FCHO2: variants seen among roughly 807,000 people sequenced by gnomAD.
FCHO2 encodes the protein FCH and mu domain containing endocytic adaptor 2, also known as F-BAR domain only protein 2.
Under a neutral mutation model 114.1 loss-of-function variants are expected in FCHO2, and 43 were observed. That is an observed-to-expected ratio of 0.38 (90% CI 0.30 to 0.49). FCHO2 has a LOEUF of 0.49. Ranked by LOEUF, FCHO2 falls within the 20% of genes least tolerant of loss-of-function variation. The pLI, the probability that FCHO2 is intolerant of heterozygous loss-of-function variation, is 0.97. For synonymous variants in FCHO2, 293 were observed against 315.2 expected, an observed-to-expected ratio of 0.93 and a Z score of 0.75; for missense variants, 807 against 950.4, an observed-to-expected ratio of 0.85 and a Z score of 1.98.
chr5:73,037,159 A>G lies in FCHO2; in HGVS notation c.858A>G (p.Lys286=), dbSNP rs757623011. 6.3e-7 allele frequency: 1 copy of G among 1,587,958 alleles called. No homozygotes were observed. The highest frequency in any genetic ancestry group is 1.2e-5 in the South Asian group (1 of 86,062). Residue 286 remains lysine (K), a synonymous_variant, in exon 10 of 26, where the codon AAA becomes AAG. Coordinates refer to ENST00000430046, the MANE Select transcript of FCHO2 (RefSeq NM_138782.3). ...ASAVEGIKPR[K]RKTFALPGII... ...ATTTTAAAGGTATAAAACCAAGGAA[A>G]AGAAAGACCTTTGCTTTGCCAGGAA...
chr5:72,984,458 G>GT lies in FCHO2; in HGVS notation c.126-4963dup, dbSNP rs1753394629. Among the ~76,000 whole-genome samples, 4 of 152,186 alleles carry GT rather than the reference G, an allele frequency of 2.6e-5. No homozygotes were observed. The South Asian group carries it at 8.3e-4, about 32-fold the overall frequency. ...CTGGAAAAATTTTTGAAAGATTATT[G>GT]TTTTTTCCTTATGTGCTTAATAGAA... On this transcript the variant is annotated intron_variant, in intron 2 of 25. Transcript: ENST00000430046.
chr5:73,046,673 T>C (rs1388167048), intron 11 of FCHO2, among the ~76,000 whole-genome samples: 1 of 152,192 alleles, frequency 6.6e-6, no homozygotes, highest in Non-Finnish European at 1.5e-5. Flanking sequence ...GTTTCCTTAT[T>C]TTTAAAGTAT....
intron 8 of FCHO2, chr5:73,020,729 C>G: frequency 8.4e-7 from 1 of 1,184,714 alleles, no homozygotes. Flanking sequence ...ATTTTCTGTT[C>G]TACATCCACC....
chr5:72,959,479 C>T (rs934230923), intron 1 of FCHO2, among the ~76,000 whole-genome samples: 1 of 152,084 alleles, frequency 6.6e-6, no homozygotes, highest in African/African-American at 2.4e-5. Context: ...TGTACTCCAG[C>T]CTGGGCAACA....
intron 2 of FCHO2, among the ~76,000 whole-genome samples, chr5:72,974,780 T>G (rs1174036008): frequency 6.6e-6 from 1 of 152,186 alleles, no homozygotes; most frequent in Admixed American, 6.6e-5. Context: ...CGTTAGTTGA[T>G]GCAGTTTCTT....
intron 2 of FCHO2, among the ~76,000 whole-genome samples, chr5:72,986,271 G>A (rs756793972): frequency 6.6e-6 from 1 of 151,502 alleles, no homozygotes; most frequent in Admixed American, 6.6e-5. Flanking sequence ...AATTTGGTGT[G>A]CTTTCCTCCA....
At chr5:72,965,639 A>G (rs1752162275) in intron 1 of FCHO2, among the ~76,000 whole-genome samples, 1 of 152,228 alleles carries the variant, frequency 6.6e-6, no homozygotes, top group Non-Finnish European at 1.5e-5. Context: ...ATGTCTATTG[A>G]GTTCTCATCA....
intron 17 of FCHO2, among the ~76,000 whole-genome samples, chr5:73,060,996 T>G (rs903609701): frequency 1.4e-5 from 2 of 146,280 alleles, no homozygotes; most frequent in African/African-American, 5.0e-5. Context: ...TTAATTGAAC[T>G]CTTGTGCTCA....
chr5:73,057,764 T>G (rs1003118046), intron 16 of FCHO2, among the ~76,000 whole-genome samples: 5 of 152,156 alleles, frequency 3.3e-5, no homozygotes, highest in African/African-American at 1.2e-4. Flanking sequence ...TGTATGTCTT[T>G]GGGCAGTTCA....
intron 6 of FCHO2, among the ~76,000 whole-genome samples, chr5:73,008,185 AG>A (rs1754817971): frequency 6.6e-6 from 1 of 152,236 alleles, no homozygotes; most frequent in Admixed American, 6.5e-5. Context: ...AAGAGCAACT[AG>A]AAGCCGCCTA....
intron 11 of FCHO2, among the ~76,000 whole-genome samples, chr5:73,048,684 G>A (rs1195956971): frequency 5.9e-5 from 9 of 151,794 alleles, no homozygotes; most frequent in Admixed American, 2.6e-4. Context: ...GTGTCTTCAC[G>A]GTAAATTTCT....
At chr5:72,960,603 A>C (rs1751805364) in intron 1 of FCHO2, among the ~76,000 whole-genome samples, 1 of 152,220 alleles carries the variant, frequency 6.6e-6, no homozygotes, top group Admixed American at 6.5e-5. Context: ...GGAAGTGTCT[A>C]AGCCGCTGCT....
intron 6 of FCHO2, among the ~76,000 whole-genome samples, chr5:73,012,617 C>CAA (rs11358269): frequency 1.3e-4 from 12 of 92,466 alleles, no homozygotes; most frequent in East Asian, 6.0e-4. Flanking sequence ...GACTCCGTCT[C>CAA]AAAAAAAAAA....
At chr5:73,057,750 T>C (rs957801078) in intron 16 of FCHO2, among the ~76,000 whole-genome samples, 1 of 152,168 alleles carries the variant, frequency 6.6e-6, no homozygotes, top group Non-Finnish European at 1.5e-5. Context: ...TAGAATCAAG[T>C]AGCTGTATGT....
intron 23 of FCHO2, 64 bp downstream of exon 23, chr5:73,082,046 C>T: frequency 7.5e-7 from 1 of 1,333,004 alleles, no homozygotes; most frequent in Non-Finnish European, 9.8e-7. Context: ...ACTTCTAGAA[C>T]CCAAGTTCTG....
chr5:72,980,400 T>A (rs1166421670), intron 2 of FCHO2, among the ~76,000 whole-genome samples: 2 of 152,264 alleles, frequency 1.3e-5, no homozygotes, highest in Admixed American at 1.3e-4. Context: ...TGTGATGTGG[T>A]GCTGAGAAGA....
At chr5:73,064,761 A>G (rs552610800) in intron 18 of FCHO2, among the ~76,000 whole-genome samples, 2 of 151,900 alleles carry the variant, frequency 1.3e-5, no homozygotes, top group Non-Finnish European at 2.9e-5. Context: ...TAAACACATC[A>G]TGGTCTTTTA....
Position 73,088,156 on chromosome 5 carries a change from C to T in FCHO2, c.*66C>T, listed in dbSNP as rs1580218257. On this transcript the variant is annotated 3_prime_UTR_variant, in exon 26 of 26. Coordinates refer to ENST00000430046, the MANE Select transcript of FCHO2 (RefSeq NM_138782.3). The stretch of plus-strand genomic sequence containing the variant: ...TGCCATTCTGCATTATCTGTTCTTT[C>T]CAAACACTATTTTAACTTGTATGAT... 6.3e-7 allele frequency: 1 copy of T among 1,591,258 alleles called. No individual in the cohort carries two copies. Among genetic ancestry groups the T allele is most frequent in the East Asian group, 2.3e-5 (1 of 44,422 alleles).
At chr5:73,038,051 G>GC (rs1339342200) in intron 10 of FCHO2, 7 of 156,152 alleles carry the variant, frequency 4.5e-5, no homozygotes, top group African/African-American at 1.4e-4. Context: ...TGAGCCACGC[G>GC]CCCGGCCTGA....
Sources: gnomAD v4.1 joint callset for allele counts (sites outside exome capture counted in the v4.1 genomes callset) on GRCh38, gnomAD v4.1.1 for gene constraint, MANE v1.5 for transcripts, NCBI Gene and HGNC (gene_info 2026-07-23, HGNC 2026-07-21) for gene names.